Variants in SYNDIG1L observed in about 807,000 individuals in gnomAD.
SYNDIG1L encodes the protein synapse differentiation-inducing gene protein 1-like.
A neutral mutation model predicts 20.1 loss-of-function variants in SYNDIG1L; 13 were observed. That is an observed-to-expected ratio of 0.65 (90% confidence interval 0.42 to 1.03). The LOEUF is 1.03. SYNDIG1L is among the 50% of genes least tolerant of loss of function. The probability of loss-of-function intolerance (pLI) is 0.00; values close to 1 mark genes in which losing one functional copy is unlikely to be tolerated. For missense variants in SYNDIG1L, 294 were observed against 305.1 expected (o/e 0.96, Z 0.27); for synonymous variants, 128 against 129.3 (o/e 0.99, Z 0.07).
the SYNDIG1L span, among the ~76,000 whole-genome samples, chr14:74,456,756 T>C: frequency 2.0e-5 from 3 of 151,972 alleles, no homozygotes; most frequent in East Asian, 5.8e-4. Flanking sequence ...TGTCCATCAG[T>C]TGGGGGCTGG....
At chr14:74,438,316 T>C in the SYNDIG1L span, among the ~76,000 whole-genome samples, 2,162 of 152,310 alleles carry the variant, frequency 0.014, 61 homozygotes, top group African/African-American at 0.048. Context: ...GATTTCAGAA[T>C]TTGGGTTAAG....
At chr14:74,438,166 T>A in the SYNDIG1L span, among the ~76,000 whole-genome samples, 2 of 152,204 alleles carry the variant, frequency 1.3e-5, no homozygotes, top group Non-Finnish European at 2.9e-5. Context: ...TCAATATCTC[T>A]TCAGTAAAAT....
At chr14:74,451,862 C>T in the SYNDIG1L span, among the ~76,000 whole-genome samples, 3 of 151,596 alleles carry the variant, frequency 2.0e-5, no homozygotes, top group South Asian at 2.1e-4. Context: ...TGGTGGCACG[C>T]GTCTATAGTC....
intron 1 of SYNDIG1L, among the ~76,000 whole-genome samples, chr14:74,417,122 G>T (rs1178915167): frequency 1.3e-5 from 2 of 152,232 alleles, no homozygotes; most frequent in African/African-American, 2.4e-5. Flanking sequence ...GGAAACTGGG[G>T]TTTAGAGAAA....
chr14:74,421,333 A>G (rs1267427392), intron 1 of SYNDIG1L, among the ~76,000 whole-genome samples: 2 of 152,224 alleles, frequency 1.3e-5, no homozygotes, highest in South Asian at 2.1e-4. Context: ...AAATGAAATT[A>G]TCTAAGACAT....
At chr14:74,425,263 T>C (rs1443944125) in intron 1 of SYNDIG1L, among the ~76,000 whole-genome samples, 2 of 152,252 alleles carry the variant, frequency 1.3e-5, no homozygotes, top group African/African-American at 4.8e-5. Flanking sequence ...CCAGGTTCCC[T>C]GACTCTTTGC....
At chr14:74,471,493 G>A in the SYNDIG1L span, among the ~76,000 whole-genome samples, 3 of 152,046 alleles carry the variant, frequency 2.0e-5, no homozygotes, top group Non-Finnish European at 4.4e-5. Flanking sequence ...AGCTACTTGG[G>A]GGACTGAGGC....
At chr14:74,425,567 G>A (rs748598119) in intron 1 of SYNDIG1L, among the ~76,000 whole-genome samples, 1 of 152,186 alleles carries the variant, frequency 6.6e-6, no homozygotes, top group Non-Finnish European at 1.5e-5. Flanking sequence ...TGCTAGTGTC[G>A]CAAAACCTTG....
At chr14:74,431,814 T>A in the SYNDIG1L span, among the ~76,000 whole-genome samples, 67 of 152,316 alleles carry the variant, frequency 4.4e-4, no homozygotes, top group African/African-American at 1.5e-3. Flanking sequence ...AGTCCCCAAC[T>A]TCTCCGCTAG....
chr14:74,433,655 G>T, the SYNDIG1L span, among the ~76,000 whole-genome samples: 4 of 152,182 alleles, frequency 2.6e-5, no homozygotes, highest in Non-Finnish European at 4.4e-5. Flanking sequence ...AAACTGCTGG[G>T]ATTACAGGCG....
chr14:74,411,709 T>TC (rs2086131896), intron 1 of SYNDIG1L, among the ~76,000 whole-genome samples: 2 of 151,952 alleles, frequency 1.3e-5, no homozygotes, highest in South Asian at 4.1e-4. Context: ...GGGGCCAGGA[T>TC]CCCCTGGCTG....
At chr14:74,465,990 A>C in the SYNDIG1L span, among the ~76,000 whole-genome samples, 27 of 152,380 alleles carry the variant, frequency 1.8e-4, no homozygotes, top group African/African-American at 5.0e-4. Flanking sequence ...GAGGAAGGCC[A>C]GCAGCAGCTA....
At chr14:74,468,261 C>A in the SYNDIG1L span, among the ~76,000 whole-genome samples, 1 of 152,188 alleles carries the variant, frequency 6.6e-6, no homozygotes, top group Admixed American at 6.5e-5. Flanking sequence ...CTAATCCAAT[C>A]TGATGACAGA....
the SYNDIG1L span, among the ~76,000 whole-genome samples, chr14:74,450,649 T>C: frequency 1.3e-5 from 2 of 152,110 alleles, no homozygotes; most frequent in Non-Finnish European, 2.9e-5. Flanking sequence ...TGATAAGATC[T>C]CAAGAGAACA....
chr14:74,470,750 G>A, the SYNDIG1L span, among the ~76,000 whole-genome samples: 4 of 152,190 alleles, frequency 2.6e-5, no homozygotes, highest in South Asian at 8.3e-4. Context: ...AAGGCTCAGC[G>A]CAATAGTTTG....
chr14:74,426,158 C>A lies in SYNDIG1L; in HGVS notation c.-304G>T, dbSNP rs2086264299. On this transcript the variant is annotated 5_prime_UTR_variant, in exon 1 of 4. Coordinates refer to ENST00000331628, the MANE Select transcript of SYNDIG1L (RefSeq NM_001105579.2). The stretch of plus-strand genomic sequence containing the variant: ...CCCGCATCCTGGCCGGGCCCCGCCG[C>A]CGCCGCCGCCGCGCAGCCCTCGGCC... The A allele has an allele frequency of 6.7e-6, 1 of 149,268 alleles. No individual in the cohort carries two copies. 9.2% of individuals were successfully genotyped at this position (149,268 alleles called of 1,614,324 possible). A position where few individuals can be genotyped will look rare whatever the true frequency, so the allele number is the denominator to read the frequency against.
At chr14:74,425,195 A>T (rs1193157089) in intron 1 of SYNDIG1L, among the ~76,000 whole-genome samples, 1 of 152,230 alleles carries the variant, frequency 6.6e-6, no homozygotes, top group Non-Finnish European at 1.5e-5. Context: ...CCAGAAAGAG[A>T]GAGAACTCCT....
At chr14:74,469,061 C>A in the SYNDIG1L span, among the ~76,000 whole-genome samples, 1 of 152,060 alleles carries the variant, frequency 6.6e-6, no homozygotes, top group Non-Finnish European at 1.5e-5. Flanking sequence ...ACTGGCTCCC[C>A]ATGGTGAGGT....
At chr14:74,466,348 A>AGATG in the SYNDIG1L span, among the ~76,000 whole-genome samples, 36 of 152,294 alleles carry the variant, frequency 2.4e-4, no homozygotes, top group Admixed American at 7.8e-4. Context: ...GTGGGTGGAT[A>AGATG]GATGGATGGA....
Sources: gnomAD v4.1 joint callset for allele counts (sites outside exome capture counted in the v4.1 genomes callset) on GRCh38, gnomAD v4.1.1 for gene constraint, MANE v1.5 for transcripts, NCBI Gene and HGNC (gene_info 2026-07-23, HGNC 2026-07-21) for gene names.